ZFHX3: variants seen among roughly 807,000 people sequenced by gnomAD.
ZFHX3 encodes the protein zinc finger homeobox protein 3.
ZFHX3 carries 42 observed loss-of-function variants against 279.1 expected under a neutral mutation model. That is an observed-to-expected ratio of 0.15 (90% CI 0.12 to 0.19). ZFHX3 has a LOEUF of 0.19. ZFHX3 is among the 10% of genes least tolerant of loss of function. ZFHX3 has a pLI of 1.00. For synonymous variants in ZFHX3, 2,293 were observed against 1,957.8 expected (o/e 1.17, Z -4.52); for missense variants, 4,981 against 4,754.0 (o/e 1.05, Z -1.40).
chr16:72,895,252 C>T (rs1192461358), intron 3 of ZFHX3, among the ~76,000 whole-genome samples: 3 of 152,200 alleles, frequency 2.0e-5, no homozygotes, highest in Non-Finnish European at 2.9e-5. Flanking sequence ...TGAGGGCATT[C>T]CCCCTTTGGC....
chr16:73,438,441 A>C (rs931105757), intron 3 of ZFHX3, among the ~76,000 whole-genome samples: 8 of 152,226 alleles, frequency 5.3e-5, no homozygotes, highest in Non-Finnish European at 1.2e-4. Flanking sequence ...AACAAAAATC[A>C]GAAAGAGAGA....
intron 1 of ZFHX3, among the ~76,000 whole-genome samples, chr16:73,846,066 G>A (rs1037135746): frequency 6.6e-6 from 1 of 152,156 alleles, no homozygotes; most frequent in Non-Finnish European, 1.5e-5. Flanking sequence ...CCCAAGTGCT[G>A]GGATTGCAGG....
At chr16:72,851,140 GGAGGA>G (rs1161326909) in intron 4 of ZFHX3, among the ~76,000 whole-genome samples, 2 of 152,118 alleles carry the variant, frequency 1.3e-5, no homozygotes, top group East Asian at 1.9e-4. Context: ...TTCACAGTAC[GGAGGA>G]GAGGAGAGTC....
intron 7 of ZFHX3, among the ~76,000 whole-genome samples, chr16:73,130,524 G>A (rs114304932): frequency 6.6e-5 from 10 of 152,284 alleles, no homozygotes; most frequent in African/African-American, 1.7e-4. Context: ...GCCAGAGACT[G>A]GGTTTGCCCT....
At chr16:72,962,423 A>C (rs1457561995) in intron 1 of ZFHX3, among the ~76,000 whole-genome samples, 2 of 152,070 alleles carry the variant, frequency 1.3e-5, no homozygotes, top group Non-Finnish European at 2.9e-5. Context: ...CACTGTACCC[A>C]CCTATGATGG....
chr16:73,104,470 T>C (rs1966269817), intron 7 of ZFHX3, among the ~76,000 whole-genome samples: 1 of 152,088 alleles, frequency 6.6e-6, no homozygotes, highest in South Asian at 2.1e-4. Flanking sequence ...CCTCAAGTGA[T>C]CCACCTGCGT....
At chr16:73,146,628 T>C (rs1017659377) in intron 5 of ZFHX3, among the ~76,000 whole-genome samples, 4 of 152,050 alleles carry the variant, frequency 2.6e-5, no homozygotes, top group African/African-American at 9.7e-5. Context: ...AGTACTAGTT[T>C]TTTAAACTCT....
At chr16:73,129,107 C>T (rs927523477) in intron 7 of ZFHX3, among the ~76,000 whole-genome samples, 2 of 152,100 alleles carry the variant, frequency 1.3e-5, no homozygotes, top group African/African-American at 4.8e-5. Context: ...TGAAGTGGGC[C>T]TGGTGCGGAG....
chr16:72,800,877 T>G (rs578201652), intron 7 of ZFHX3, among the ~76,000 whole-genome samples: 1 of 152,262 alleles, frequency 6.6e-6, no homozygotes, highest in African/African-American at 2.4e-5. Context: ...AGCCCCACCT[T>G]GACCATGGCC....
At chr16:73,712,173 G>A (rs574691030) in intron 1 of ZFHX3, among the ~76,000 whole-genome samples, 39 of 152,120 alleles carry the variant, frequency 2.6e-4, no homozygotes, top group African/African-American at 8.4e-4. Context: ...CAGCTTTGTC[G>A]CCACCAAGTT....
At chr16:72,994,316 C>T (rs1430526090) in intron 1 of ZFHX3, among the ~76,000 whole-genome samples, 2 of 152,188 alleles carry the variant, frequency 1.3e-5, no homozygotes, top group Admixed American at 1.3e-4. Context: ...GCAAGTCTGG[C>T]TCAGGTTATA....
chr16:72,939,618 T>C (rs1960310146), intron 3 of ZFHX3, among the ~76,000 whole-genome samples: 1 of 152,226 alleles, frequency 6.6e-6, no homozygotes, highest in African/African-American at 2.4e-5. Flanking sequence ...CTGGGTGCAG[T>C]GGCTCAGGCC....
chr16:73,149,732 G>T (rs148767966), intron 5 of ZFHX3, among the ~76,000 whole-genome samples: 3 of 152,182 alleles, frequency 2.0e-5, no homozygotes, highest in East Asian at 3.9e-4. Flanking sequence ...GACCTTAAAG[G>T]CTCTTTACCT....
chr16:73,032,955 C>G (rs577801758), intron 1 of ZFHX3, among the ~76,000 whole-genome samples: 1 of 152,180 alleles, frequency 6.6e-6, no homozygotes, highest in African/African-American at 2.4e-5. Context: ...GGCAGGGCTG[C>G]GGCCAGACCC....
chr16:73,710,200 AT>A (rs2053345081), intron 1 of ZFHX3, among the ~76,000 whole-genome samples: 1 of 152,194 alleles, frequency 6.6e-6, no homozygotes, highest in African/African-American at 2.4e-5. Context: ...AAACAAAACA[AT>A]TAAGAAATAA....
At chr16:73,839,355 A>AAAAAAAAAAAAAAAAAAAAAAAAAAAT in intron 1 of ZFHX3, among the ~76,000 whole-genome samples, 1 of 140,400 alleles carries the variant, frequency 7.1e-6, no homozygotes, top group Non-Finnish European at 1.5e-5. Context: ...AAAAAAAAAA[A>AAAAAAAAAAAAAAAAAAAAAAAAAAAT]AAAAAAAAAA....
At chr16:73,705,095 A>G (rs2053290213) in intron 1 of ZFHX3, among the ~76,000 whole-genome samples, 2 of 152,246 alleles carry the variant, frequency 1.3e-5, no homozygotes, top group African/African-American at 4.8e-5. Context: ...CGTAACCTCA[A>G]GACAAGAGCA....
chr16:73,759,626 G>T (rs764159664), intron 1 of ZFHX3, among the ~76,000 whole-genome samples: 27 of 152,150 alleles, frequency 1.8e-4, no homozygotes, highest in Non-Finnish European at 3.4e-4. Context: ...ACTCTTTAAG[G>T]ACTCCCTACT....
At chr16:73,513,119 C>T (rs995569563) in intron 2 of ZFHX3, among the ~76,000 whole-genome samples, 2 of 152,106 alleles carry the variant, frequency 1.3e-5, no homozygotes, top group Non-Finnish European at 1.5e-5. Context: ...CAGCTGGCAA[C>T]CAGAGATCTC....
Sources: allele counts gnomAD v4.1 joint callset (sites outside exome capture counted in the v4.1 genomes callset), GRCh38; gene constraint gnomAD v4.1.1; transcripts MANE v1.5; gene names NCBI Gene and HGNC (gene_info 2026-07-23, HGNC 2026-07-21).